Variants in SMARCA5 observed in about 807,000 individuals in gnomAD.
SMARCA5 encodes SNF2 related chromatin remodeling ATPase 5, also known as SWI/SNF-related matrix-associated actin-dependent regulator of chromatin subfamily A member 5.
In SMARCA5, 18 loss-of-function variants were observed where a neutral mutation model predicts 140.4. The ratio of observed to expected loss-of-function variants is 0.13; its 90% CI spans 0.09 to 0.19. The LOEUF is 0.19. SMARCA5 is among the 10% of genes least tolerant of loss of function. SMARCA5 has a pLI of 1.00. For missense variants in SMARCA5, 606 were observed against 1,276.8 expected (o/e 0.47, Z 8.01); for synonymous variants, 449 against 419.6 (o/e 1.07, Z -0.86).
intron 1 of SMARCA5, 45 bp downstream of exon 1, chr4:143,514,146 G>A (rs1468503309): frequency 6.8e-7 from 1 of 1,463,974 alleles, no homozygotes. Flanking sequence ...GCGGGGAGGA[G>A]GAGCTGGCTC....
Position 143,526,397 on chromosome 4 carries a change from T to C in SMARCA5, c.738T>C (p.Ser246=). ...VPKSTLHNWM[S]EFKRWVPTLR... ...AGTCTACATTACACAACTGGATGAG[T>C]GAATTCAAGAGATGGGTACCAACAC... Residue 246 remains serine, a synonymous_variant, in exon 6 of 24, where the codon AGT becomes AGC. Coordinates refer to ENST00000283131, the MANE Select transcript of SMARCA5 (RefSeq NM_003601.4). The C allele has an allele frequency of 6.2e-7, 1 of 1,613,630 alleles. No homozygotes were observed. Among genetic ancestry groups the C allele is most frequent in the Non-Finnish European group, 8.5e-7 (1 of 1,179,588 alleles).
chr4:143,521,613 CTTCATAG>C lies in SMARCA5; in HGVS notation c.419+23_419+29del. 1 of 1,578,750 alleles carries C rather than the reference CTTCATAG, an allele frequency of 6.3e-7. No individual in the cohort carries two copies. Among genetic ancestry groups the C allele is most frequent in the Non-Finnish European group, 8.6e-7 (1 of 1,161,350 alleles). On this transcript the variant is annotated intron_variant, in intron 3 of 23. Coordinates refer to ENST00000283131, the MANE Select transcript of SMARCA5 (RefSeq NM_003601.4). ...GTTGGCGAGTGAGTAATAGTTTAAA[CTTCATAG>C]TTCAACCAAACTTATTTTCGATAGT...
chr4:143,521,646 C>A, intron 3 of SMARCA5, 51 bp downstream of exon 3: 1 of 1,436,046 alleles, frequency 7.0e-7, no homozygotes, highest in Non-Finnish European at 9.6e-7. Flanking sequence ...TTTCGATAGT[C>A]TTCAGTGGAA....
intron 11 of SMARCA5, 72 bp from the exon 12 acceptor site, chr4:143,538,518 C>T: frequency 1.6e-6 from 2 of 1,238,506 alleles, no homozygotes; most frequent in Non-Finnish European, 1.2e-6. Context: ...ATTGATTAGT[C>T]TTAGTTTTGG....
In SMARCA5 at chr4:143,545,602, C is replaced by T. The variant is rs1221156423; in HGVS notation, c.2397+19C>T. The T allele has an allele frequency of 1.5e-6, 2 of 1,360,104 alleles. No homozygotes were observed. The highest frequency in any genetic ancestry group is 2.3e-5 in the East Asian group (1 of 43,632). The allele number at this position is 1,360,104 out of a possible 1,614,324, so 84.3% of individuals were successfully genotyped here. A position where few individuals can be genotyped will look rare whatever the true frequency, so the allele number is the denominator to read the frequency against. On this transcript the variant is annotated intron_variant, in intron 18 of 23. Transcript: ENST00000283131. ...GTACAAGGTAATTGAAATTATCTGC[C>T]TTTCTGTTCATTCCTATCCAGAAAT...
intron 10 of SMARCA5, 134 bp from the exon 11 acceptor site, chr4:143,536,318 C>G: frequency 1.6e-6 from 1 of 641,736 alleles, no homozygotes; most frequent in Non-Finnish European, 2.8e-6. Context: ...AATTCCTAAC[C>G]ATACCTAGAA....
chr4:143,545,274 C>T (rs1737501047), intron 17 of SMARCA5, among the ~76,000 whole-genome samples, 196 bp from the exon 18 acceptor site: 1 of 152,106 alleles, frequency 6.6e-6, no homozygotes, highest in African/African-American at 2.4e-5. Context: ...GTACTCTCTT[C>T]TGTTTTTAGT....
Position 143,547,559 on chromosome 4 carries a change from A to T in SMARCA5, c.2772+56A>T, listed in dbSNP as rs182227769. 5 of 891,130 alleles carry T rather than the reference A, an allele frequency of 5.6e-6. No individual in the cohort carries two copies. The East Asian group carries it at 7.3e-5, about 13-fold the overall frequency. The allele number at this position is 891,130 out of a possible 1,614,324, so 55.2% of individuals were successfully genotyped here. A position where few individuals can be genotyped will look rare whatever the true frequency, so the allele number is the denominator to read the frequency against. On this transcript the variant is annotated intron_variant, in intron 21 of 23. Transcript: ENST00000283131. ...AATAAAATAACTCCTAGCTGTGAGT[A>T]TGAGAGAGTGACTTTTTATAAAGGA...
chr4:143,529,819 AG>A (rs1254278276), intron 8 of SMARCA5, among the ~76,000 whole-genome samples: 1 of 152,216 alleles, frequency 6.6e-6, no homozygotes, highest in African/African-American at 2.4e-5. Flanking sequence ...AGACTCCAAA[AG>A]CAATTTTAGC....
chr4:143,553,012 C>T (rs1322707903), intron 23 of SMARCA5, 107 bp from the exon 24 acceptor site: 1 of 797,062 alleles, frequency 1.3e-6, no homozygotes, highest in Non-Finnish European at 2.2e-6. Flanking sequence ...AGTCTCATAC[C>T]TATTACTTTG....
chr4:143,537,709 G>GTT (rs1737342332), intron 11 of SMARCA5, among the ~76,000 whole-genome samples: 1 of 152,038 alleles, frequency 6.6e-6, no homozygotes, highest in Non-Finnish European at 1.5e-5. Flanking sequence ...AAGGTCAAGA[G>GTT]TTTGAGACCA....
At chr4:143,537,278 G>T (rs553600494) in intron 11 of SMARCA5, among the ~76,000 whole-genome samples, 3 of 152,152 alleles carry the variant, frequency 2.0e-5, no homozygotes, top group Non-Finnish European at 4.4e-5. Context: ...CGAAGCAAAC[G>T]CCAGACACTA....
intron 16 of SMARCA5, 137 bp from the exon 17 acceptor site, chr4:143,544,600 A>T: frequency 1.8e-6 from 1 of 556,616 alleles, no homozygotes; most frequent in Non-Finnish European, 3.2e-6. Flanking sequence ...TGAGCAAAGT[A>T]TCATAGTCTC....
intron 9 of SMARCA5, among the ~76,000 whole-genome samples, chr4:143,533,594 G>A (rs1296871774): frequency 4.8e-5 from 7 of 144,520 alleles, no homozygotes; most frequent in East Asian, 2.2e-4. Context: ...TGCAAGCTCC[G>A]CCTCCCGGGT....
intron 13 of SMARCA5, among the ~76,000 whole-genome samples, chr4:143,539,250 C>T (rs542247322): frequency 1.6e-3 from 244 of 152,242 alleles, no homozygotes; most frequent in African/African-American, 5.6e-3. Flanking sequence ...CTTGTCTCTC[C>T]ACCCCCTTGA....
chr4:143,530,607 T>C, intron 9 of SMARCA5, 81 bp downstream of exon 9: 1 of 951,036 alleles, frequency 1.1e-6, no homozygotes, highest in Non-Finnish European at 1.6e-6. Flanking sequence ...TATTTTCCTG[T>C]TAATAAAAAA....
In SMARCA5 at chr4:143,555,790, C is replaced by T. The variant is rs1017237673; in HGVS notation, c.*2606C>T. On this transcript the variant is annotated 3_prime_UTR_variant, in exon 24 of 24. Coordinates refer to ENST00000283131, the MANE Select transcript of SMARCA5 (RefSeq NM_003601.4). ...TCAGCTTCCCAAGTAGCTAGGACTA[C>T]AGATACCACGCCCAGCTAAGTTTTT... 6.3e-6 allele frequency: 1 copy of T among 158,096 alleles called. No individual in the cohort carries two copies. The highest frequency in any genetic ancestry group is 1.4e-5 in the Non-Finnish European group (1 of 72,542). 9.8% of individuals were successfully genotyped at this position (158,096 alleles called of 1,614,324 possible).
Position 143,554,020 on chromosome 4 carries a change from T to C in SMARCA5, c.*836T>C, listed in dbSNP as rs959019423. The C allele has an allele frequency of 1.3e-5, 2 of 151,900 alleles. No individual in the cohort carries two copies. Among genetic ancestry groups the C allele is most frequent in the Non-Finnish European group, 2.9e-5 (2 of 67,926 alleles). 9.4% of individuals were successfully genotyped at this position (151,900 alleles called of 1,614,324 possible). A position where few individuals can be genotyped will look rare whatever the true frequency, so the allele number is the denominator to read the frequency against. On this transcript the variant is annotated 3_prime_UTR_variant, in exon 24 of 24. Coordinates refer to ENST00000283131, the MANE Select transcript of SMARCA5 (RefSeq NM_003601.4). ...AAGCCCAGCCAAAATGAGGTGTGAA[T>C]TTGTCATACTGTTACATTGAAATTG...
At position 143,555,363 on chromosome 4, in the gene SMARCA5, A is replaced by G; in HGVS notation, c.*2179A>G. ...TTATAGCAATCCCCACTGCCACCAT[A>G]TCCATCACCACCACCATGGCTGCCA... On this transcript the variant is annotated 3_prime_UTR_variant, in exon 24 of 24. Coordinates refer to ENST00000283131, the MANE Select transcript of SMARCA5 (RefSeq NM_003601.4). 1 of 704,832 alleles carries G rather than the reference A, an allele frequency of 1.4e-6. No homozygotes were observed. Among genetic ancestry groups the G allele is most frequent in the Non-Finnish European group, 2.6e-6 (1 of 380,492 alleles). 43.7% of individuals were successfully genotyped at this position (704,832 alleles called of 1,614,324 possible).
Sources: gnomAD v4.1 joint callset for allele counts (sites outside exome capture counted in the v4.1 genomes callset) on GRCh38, gnomAD v4.1.1 for gene constraint, MANE v1.5 for transcripts, NCBI Gene and HGNC (gene_info 2026-07-23, HGNC 2026-07-21) for gene names.